LARS1: variants seen among roughly 807,000 people sequenced by gnomAD.
The protein encoded by LARS1 is leucine--tRNA ligase, cytoplasmic.
Under a neutral mutation model 162.8 loss-of-function variants are expected in LARS1, and 100 were observed. The observed-to-expected ratio is 0.61, with a 90% CI of 0.52 to 0.73. The LOEUF (loss-of-function observed/expected upper bound fraction) is 0.73, where lower values mean the gene tolerates loss of function less well. Among genes scored for constraint, LARS1 ranks in the 30% least tolerant of loss-of-function variants. The pLI is 0.00. For missense variants in LARS1, 1,258 were observed against 1,408.9 expected (o/e 0.89, Z 1.71); for synonymous variants, 457 against 462.8 (o/e 0.99, Z 0.16).
intron 15 of LARS1, among the ~76,000 whole-genome samples, chr5:146,147,626 G>C (rs981273591): frequency 5.9e-5 from 9 of 151,954 alleles, no homozygotes; most frequent in African/African-American, 1.9e-4. Flanking sequence ...GTAAAGAAAA[G>C]CTCAGGAAGA....
intron 7 of LARS1, among the ~76,000 whole-genome samples, chr5:146,159,774 T>C (rs1343378529): frequency 6.6e-6 from 1 of 152,106 alleles, no homozygotes; most frequent in Non-Finnish European, 1.5e-5. Context: ...GGAAGTTGAT[T>C]ATGTAGATTA....
intron 28 of LARS1, 54 bp from the exon 29 acceptor site, chr5:146,124,140 A>T: frequency 9.6e-7 from 1 of 1,037,818 alleles, no homozygotes; most frequent in South Asian, 1.3e-5. Flanking sequence ...TATGTTGGAA[A>T]ACATACTTCC....
chr5:146,175,456 T>C (rs1303892310), intron 2 of LARS1, among the ~76,000 whole-genome samples: 2 of 145,476 alleles, frequency 1.4e-5, no homozygotes, highest in Non-Finnish European at 3.0e-5. Context: ...GGCAGAAAAA[T>C]CATTGAACCC....
At chr5:146,162,030 T>C (rs973207495) in intron 6 of LARS1, among the ~76,000 whole-genome samples, 2 of 152,218 alleles carry the variant, frequency 1.3e-5, no homozygotes, top group Non-Finnish European at 2.9e-5. Context: ...ACATCTGCAG[T>C]AACCTCCTCC....
At chr5:146,164,957 G>A (rs1753937457) in intron 5 of LARS1, among the ~76,000 whole-genome samples, 1 of 152,158 alleles carries the variant, frequency 6.6e-6, no homozygotes, top group Non-Finnish European at 1.5e-5. Context: ...AAATTTTGAG[G>A]ATGACAGAAT....
chr5:146,174,512 A>ACG (rs1561498084), intron 2 of LARS1, among the ~76,000 whole-genome samples: 19 of 19,958 alleles, frequency 9.5e-4, no homozygotes, highest in African/African-American at 2.5e-3. Context: ...ATATATATAT[A>ACG]TATATATCCA....
intron 6 of LARS1, among the ~76,000 whole-genome samples, chr5:146,162,041 C>G (rs1011560064): frequency 1.3e-5 from 2 of 152,160 alleles, no homozygotes; most frequent in Non-Finnish European, 2.9e-5. Flanking sequence ...AACCTCCTCC[C>G]CTGAAGTCTT....
At chr5:146,127,985 A>C (rs956415581) in intron 27 of LARS1, among the ~76,000 whole-genome samples, 7 of 152,148 alleles carry the variant, frequency 4.6e-5, no homozygotes, top group African/African-American at 1.7e-4. Flanking sequence ...TTTAAAGTGC[A>C]CCTTAGTGGT....
chr5:146,140,018 G>C (rs748477373), intron 21 of LARS1, among the ~76,000 whole-genome samples, 186 bp downstream of exon 21: 1 of 151,642 alleles, frequency 6.6e-6, no homozygotes, highest in Non-Finnish European at 1.5e-5. Flanking sequence ...TATCGTCCAG[G>C]CTGGTCTTGA....
At chr5:146,156,024 A>G (rs987736004) in intron 10 of LARS1, among the ~76,000 whole-genome samples, 4 of 152,246 alleles carry the variant, frequency 2.6e-5, no homozygotes, top group Non-Finnish European at 5.9e-5. Context: ...GTACTGACAA[A>G]ATGATTGCCA....
chr5:146,174,687 A>G (rs193107994), intron 2 of LARS1, among the ~76,000 whole-genome samples: 1 of 150,572 alleles, frequency 6.6e-6, no homozygotes, highest in African/African-American at 2.4e-5. Context: ...GGCCCAGTCA[A>G]TTCCCAGTGA....
intron 15 of LARS1, among the ~76,000 whole-genome samples, chr5:146,146,362 A>G (rs114890720): frequency 0.058 from 8,296 of 142,754 alleles, 301 homozygotes; most frequent in Non-Finnish European, 0.068. Flanking sequence ...AAAGAAAGAG[A>G]AGAGAGAGAG....
chr5:146,148,425 T>C (rs1753116455), intron 15 of LARS1, among the ~76,000 whole-genome samples: 1 of 152,172 alleles, frequency 6.6e-6, no homozygotes, highest in South Asian at 2.1e-4. Flanking sequence ...AGTTGAGAAA[T>C]GGAGTACTGA....
chr5:146,157,316 G>T lies in LARS1; in HGVS notation c.1065+87C>A, dbSNP rs145124276. On this transcript the variant is annotated intron_variant, in intron 10 of 31. Transcript: ENST00000394434. ...ACTGCATGTACACCTCATTTTTTAAGGTTGTAATGCTCTTTTCTCAATATT... is the reference window on the plus strand; with the variant it reads ...ACTGCATGTACACCTCATTTTTTAATGTTGTAATGCTCTTTTCTCAATATT... 4.9e-4 allele frequency: 577 copies of T among 1,170,398 alleles called. 3 individuals carry two copies. In the East Asian group the frequency reaches 0.013, roughly 26 times the overall value. 72.5% of individuals were successfully genotyped at this position (1,170,398 alleles called of 1,614,324 possible).
chr5:146,115,000 C>T (rs1050948112), intron 31 of LARS1, among the ~76,000 whole-genome samples: 40 of 147,942 alleles, frequency 2.7e-4, no homozygotes, highest in African/African-American at 9.5e-4. Flanking sequence ...GCCAAGATCG[C>T]GCCACTGCAC....
chr5:146,117,535 G>A (rs1343313733), intron 31 of LARS1, among the ~76,000 whole-genome samples: 1 of 152,156 alleles, frequency 6.6e-6, no homozygotes, highest in Admixed American at 6.5e-5. Flanking sequence ...GCTTGCATCT[G>A]GGAGATGGAG....
intron 22 of LARS1, 136 bp from the exon 23 acceptor site, chr5:146,133,217 AC>A (rs1349665423): frequency 4.8e-6 from 3 of 625,416 alleles, no homozygotes; most frequent in Non-Finnish European, 7.6e-6. Context: ...TCCTGGATCA[AC>A]AACAAAAATT....
intron 27 of LARS1, 109 bp downstream of exon 27, chr5:146,128,563 C>A: frequency 1.6e-6 from 1 of 615,044 alleles, no homozygotes. Context: ...GGGAATGAAA[C>A]AAAGCTGCCT....
At position 146,128,653 on chromosome 5, in the gene LARS1, A is replaced by T; in HGVS notation, c.2880+19T>A. ...GCATACAACACCATCAGGGGGGAAA[A>T]GTCTACTGAGAGCATCACCTCAAAG... On this transcript the variant is annotated intron_variant, in intron 27 of 31. Coordinates refer to ENST00000394434, the MANE Select transcript of LARS1 (RefSeq NM_020117.11). The T allele has an allele frequency of 6.7e-7, 1 of 1,492,426 alleles. No homozygotes were observed. Among genetic ancestry groups the T allele is most frequent in the South Asian group, 1.3e-5 (1 of 76,918 alleles). The allele number at this position is 1,492,426 out of a possible 1,614,324, so 92.4% of individuals were successfully genotyped here.
Sources: allele counts gnomAD v4.1 joint callset (sites outside exome capture counted in the v4.1 genomes callset), GRCh38; gene constraint gnomAD v4.1.1; transcripts MANE v1.5; gene names NCBI Gene and HGNC (gene_info 2026-07-23, HGNC 2026-07-21).